POM121C: variants seen among roughly 807,000 people sequenced by gnomAD.
POM121C encodes the protein nuclear envelope pore membrane protein POM 121C.
In POM121C, 20 loss-of-function variants were observed where a neutral mutation model predicts 66.4. The observed-to-expected ratio is 0.30, with a 90% CI of 0.21 to 0.44. POM121C has a LOEUF of 0.44. Among genes scored for constraint, POM121C ranks in the 20% least tolerant of loss-of-function variants. The pLI is 1.00. For missense variants in POM121C, 580 were observed against 1,225.7 expected (o/e 0.47, Z 7.87); for synonymous variants, 286 against 528.0 (o/e 0.54, Z 6.28).
At chr7:75,451,176 C>T (rs1252027435) in intron 3 of POM121C, among the ~76,000 whole-genome samples, 5 of 152,308 alleles carry the variant, frequency 3.3e-5, no homozygotes, top group African/African-American at 1.2e-4. Context: ...AAAAAACTAC[C>T]TTAAATTTCA....
chr7:75,463,457 T>TC lies in POM121C; in HGVS notation c.-152+11246_-152+11247insG, dbSNP rs1397498516. ...GAAAGAGCTGGGTTTTTCTTTTTTT[T>TC]TTTTTTTTTTTTACCTTTGGCATCT... On this transcript the variant is annotated intron_variant, in intron 3 of 14. Transcript: ENST00000615331. Among the ~76,000 whole-genome samples, 12 of 151,242 alleles carry TC rather than the reference T, an allele frequency of 7.9e-5. No homozygotes were observed. The East Asian group carries it at 2.3e-3, about 29-fold the overall frequency.
intron 3 of POM121C, among the ~76,000 whole-genome samples, chr7:75,449,927 A>G (rs1790963543): frequency 6.6e-6 from 1 of 152,146 alleles, no homozygotes; most frequent in Non-Finnish European, 1.5e-5. Flanking sequence ...AGGCAGGAGA[A>G]TCGCTTGAAC....
Position 75,441,412 on chromosome 7 carries a change from C to T in POM121C, c.65+20G>A, listed in dbSNP as rs1267852424. 6.2e-7 allele frequency: 1 copy of T among 1,612,774 alleles called. No individual in the cohort carries two copies. The highest frequency in any genetic ancestry group is 8.5e-7 in the Non-Finnish European group (1 of 1,179,322). On this transcript the variant is annotated intron_variant, in intron 4 of 14. Coordinates refer to ENST00000615331, the MANE Select transcript of POM121C (RefSeq NM_001099415.3). ...AGTGGACACGAAAAGGGAGAGTATT[C>T]TTCCAACGATAATACTCACATCGCA... is the stretch of plus-strand genomic sequence containing the variant.
intron 3 of POM121C, among the ~76,000 whole-genome samples, chr7:75,444,524 G>A (rs1282757833): frequency 1.9e-5 from 2 of 105,590 alleles, no homozygotes; most frequent in African/African-American, 5.3e-5. Flanking sequence ...TCAGGGTACA[G>A]ATCTCCTGAA....
chr7:75,430,461 A>C (rs1288777975), intron 7 of POM121C, among the ~76,000 whole-genome samples: 1 of 152,124 alleles, frequency 6.6e-6, no homozygotes, highest in African/African-American at 2.4e-5. Flanking sequence ...ATAGTAAAAA[A>C]CAAACAAACA....
rs376074918 is a variant in POM121C at position 75,417,478 on chromosome 7, G to A, written c.*1318C>T. 1,629 of 978,556 alleles carry A rather than the reference G, an allele frequency of 1.7e-3. 17 individuals carry two copies. In the African/African-American group the frequency reaches 0.025, roughly 15 times the overall value. 60.6% of individuals were successfully genotyped at this position (978,556 alleles called of 1,614,324 possible). A position where few individuals can be genotyped will look rare whatever the true frequency, so the allele number is the denominator to read the frequency against. On this transcript the variant is annotated 3_prime_UTR_variant, in exon 15 of 15. Coordinates refer to ENST00000615331, the MANE Select transcript of POM121C (RefSeq NM_001099415.3). Reference sequence around the variant, plus strand: ...TTTTTTTCTTTTAATTTAGACACACGCATTCATACTTCTCCCAAAGAGGTT... The same window carrying A: ...TTTTTTTCTTTTAATTTAGACACACACATTCATACTTCTCCCAAAGAGGTT...
chr7:75,418,809 G>A lies in POM121C; in HGVS notation c.2951C>T (p.Thr984Ile). The A allele has an allele frequency of 6.2e-7, 1 of 1,609,910 alleles. No individual in the cohort carries two copies. The highest frequency in any genetic ancestry group is 8.5e-7 in the Non-Finnish European group (1 of 1,179,218). The change falls in exon 15 of 15, where the codon ACC becomes ATC. Residue 984 changes from threonine to isoleucine, a missense_variant. Physicochemically the swap from Thr to Ile is moderately conservative, Grantham distance 89. Transcript: ENST00000615331. ...AGGGGACAAAGGCTACTTTTTGCGG[G>A]TGTGCTGCCTTCGGGCCTGCAGTCG... ...RQRLQARRQH[T>I]RKK
At chr7:75,464,647 A>C (rs1791555965) in intron 3 of POM121C, among the ~76,000 whole-genome samples, 1 of 150,552 alleles carries the variant, frequency 6.6e-6, no homozygotes, top group South Asian at 2.1e-4. Flanking sequence ...AAAAAAAGAA[A>C]GGAAAAAAAT....
intron 3 of POM121C, among the ~76,000 whole-genome samples, chr7:75,449,235 CTATT>C: frequency 6.6e-6 from 1 of 150,900 alleles, no homozygotes; most frequent in South Asian, 2.1e-4. Flanking sequence ...AGACGCCTGT[CTATT>C]TGCTGGAAAC....
chr7:75,438,317 G>A (rs1195502715), intron 6 of POM121C, among the ~76,000 whole-genome samples: 2 of 152,072 alleles, frequency 1.3e-5, no homozygotes, highest in African/African-American at 2.4e-5. Context: ...TTTCACCCAC[G>A]GATCCTATTT....
chr7:75,470,570 TTTACC>T (rs1458474061), intron 3 of POM121C, among the ~76,000 whole-genome samples: 1 of 151,816 alleles, frequency 6.6e-6, no homozygotes, highest in Non-Finnish European at 1.5e-5. Context: ...GCAATCCTCT[TTTACC>T]TCAACATTCC....
rs1386801465 is a variant in POM121C at position 75,476,920 on chromosome 7, T to C, written c.-457-1732A>G. ...AAAAATCTTGTATCCATGAAGATAC[T>C]TGAAAAAGCTTGACAGAAAAAGCTG... On this transcript the variant is annotated intron_variant, in intron 1 of 14. Coordinates refer to ENST00000615331, the MANE Select transcript of POM121C (RefSeq NM_001099415.3). 2.6e-5 allele frequency among the ~76,000 whole-genome samples: 4 copies of C among 152,120 alleles called. No homozygotes were observed. In the South Asian group the frequency reaches 6.2e-4, roughly 24 times the overall value.
chr7:75,421,210 A>T, intron 13 of POM121C: 2 of 780,942 alleles, frequency 2.6e-6, no homozygotes, highest in Non-Finnish European at 3.7e-6. Flanking sequence ...TCCTGTCCTC[A>T]AGTGATCCAC....
At chr7:75,466,423 T>A (rs1791652156) in intron 3 of POM121C, among the ~76,000 whole-genome samples, 1 of 151,648 alleles carries the variant, frequency 6.6e-6, no homozygotes, top group Admixed American at 6.6e-5. Context: ...CTGGCCAACA[T>A]GGTAAACCTC....
intron 3 of POM121C, among the ~76,000 whole-genome samples, chr7:75,474,461 C>T (rs1382578327): frequency 6.6e-6 from 1 of 152,000 alleles, no homozygotes; most frequent in African/African-American, 2.4e-5. Context: ...AATAAGTGAC[C>T]GATAATGCTG....
chr7:75,481,069 G>A (rs11974524), intron 1 of POM121C, among the ~76,000 whole-genome samples: 355 of 134,788 alleles, frequency 2.6e-3, no homozygotes, highest in African/African-American at 9.0e-3. Context: ...ATACACATAC[G>A]TATATAGGCA....
intron 1 of POM121C, 121 bp from the exon 2 acceptor site, chr7:75,475,309 T>G (rs1224664312): frequency 2.0e-6 from 2 of 996,326 alleles, no homozygotes; most frequent in Admixed American, 5.3e-5. Flanking sequence ...TGTTACAGAT[T>G]ATGGAAGGGA....
intron 3 of POM121C, among the ~76,000 whole-genome samples, chr7:75,453,981 G>C (rs1308475856): frequency 2.0e-5 from 3 of 152,262 alleles, no homozygotes; most frequent in African/African-American, 7.2e-5. Context: ...CTAAGGGCAA[G>C]CATTCCATGA....
intron 4 of POM121C, 144 bp from the exon 5 acceptor site, chr7:75,441,259 G>A (rs1584674200): frequency 7.3e-7 from 1 of 1,371,736 alleles, no homozygotes; most frequent in Non-Finnish European, 9.9e-7. Flanking sequence ...CTACTTTTTC[G>A]TTAACGGCAA....
Sources: allele counts gnomAD v4.1 joint callset (sites outside exome capture counted in the v4.1 genomes callset), GRCh38; gene constraint gnomAD v4.1.1; transcripts MANE v1.5; gene names NCBI Gene and HGNC (gene_info 2026-07-23, HGNC 2026-07-21).